TMTC1: variants seen among roughly 807,000 people sequenced by gnomAD.
TMTC1 encodes transmembrane O-mannosyltransferase targeting cadherins 1, also known as protein O-mannosyl-transferase TMTC1.
In TMTC1, 73 loss-of-function variants were observed where a neutral mutation model predicts 104.8. The observed-to-expected ratio is 0.70, with a 90% CI of 0.58 to 0.85. The LOEUF (loss-of-function observed/expected upper bound fraction) is 0.85. TMTC1 is among the 40% of genes least tolerant of loss of function. The probability of loss-of-function intolerance (pLI) is 0.00; values close to 1 mark genes in which losing one functional copy is unlikely to be tolerated. For synonymous variants in TMTC1, 434 were observed against 428.7 expected (o/e 1.01, Z -0.15); for missense variants, 1,035 against 1,096.1 (o/e 0.94, Z 0.79).
chr12:29,680,243 A>G (rs891323432), intron 5 of TMTC1, among the ~76,000 whole-genome samples: 1 of 142,060 alleles, frequency 7.0e-6, no homozygotes, highest in African/African-American at 2.4e-5. Context: ...ATTTTAAAAG[A>G]TAATTGATTT....
chr12:29,657,622 T>G (rs1446260015), intron 5 of TMTC1, among the ~76,000 whole-genome samples: 1 of 149,330 alleles, frequency 6.7e-6, no homozygotes. Context: ...CATGACATAG[T>G]TTTTATTATA....
intron 5 of TMTC1, among the ~76,000 whole-genome samples, chr12:29,748,830 T>C (rs1418109119): frequency 2.6e-5 from 4 of 152,200 alleles, no homozygotes; most frequent in Non-Finnish European, 5.9e-5. Context: ...AAACAGCCAT[T>C]ATTAAAAATT....
At chr12:29,603,810 A>T (rs1227263645) in intron 7 of TMTC1, among the ~76,000 whole-genome samples, 1 of 152,268 alleles carries the variant, frequency 6.6e-6, no homozygotes, top group Non-Finnish European at 1.5e-5. Flanking sequence ...CATGCTACTG[A>T]ACATAATACT....
rs999494670 is a variant in TMTC1, at chr12:29,780,723, C to G, written c.302+2727G>C. Among the ~76,000 whole-genome samples, 3 of 152,114 alleles carry G rather than the reference C, an allele frequency of 2.0e-5. No individual in the cohort carries two copies. In the South Asian group the frequency reaches 6.2e-4, roughly 32 times the overall value. ...TAAATGCTGTAGATTGCATCAATAT[C>G]AATTTCCTGGTTGTAATATTATACC... On this transcript the variant is annotated intron_variant, in intron 1 of 17. Transcript: ENST00000539277.
intron 11 of TMTC1, among the ~76,000 whole-genome samples, chr12:29,531,074 T>C (rs763113198): frequency 1.3e-5 from 2 of 152,154 alleles, no homozygotes; most frequent in Non-Finnish European, 2.9e-5. Context: ...GAGGGAGCTA[T>C]AAATCTTTGC....
At chr12:29,624,204 T>A (rs7966415) in intron 6 of TMTC1, among the ~76,000 whole-genome samples, 1 of 151,800 alleles carries the variant, frequency 6.6e-6, no homozygotes, top group South Asian at 2.1e-4. Context: ...GGCTTCAAAC[T>A]CCTGACCTCA....
chr12:29,687,747 T>C (rs1941140254), intron 5 of TMTC1, among the ~76,000 whole-genome samples: 1 of 152,228 alleles, frequency 6.6e-6, no homozygotes, highest in Non-Finnish European at 1.5e-5. Context: ...GGTTGGTGCC[T>C]GGTGAGGGAT....
chr12:29,730,183 C>T (rs1344239280), intron 5 of TMTC1, among the ~76,000 whole-genome samples: 4 of 152,170 alleles, frequency 2.6e-5, no homozygotes, highest in African/African-American at 9.7e-5. Flanking sequence ...TTTTACCTGA[C>T]AAAGTGAGAT....
At chr12:29,729,136 C>T (rs1487072907) in intron 5 of TMTC1, among the ~76,000 whole-genome samples, 1 of 151,824 alleles carries the variant, frequency 6.6e-6, no homozygotes, top group African/African-American at 2.4e-5. Context: ...TAGGCAAATG[C>T]CTTAAACTCT....
intron 1 of TMTC1, among the ~76,000 whole-genome samples, chr12:29,778,317 T>G (rs1943758489): frequency 6.6e-6 from 1 of 152,232 alleles, no homozygotes; most frequent in Admixed American, 6.5e-5. Flanking sequence ...TTCCACCTGC[T>G]TACTGAATGG....
chr12:29,759,639 G>T (rs2120366320), intron 2 of TMTC1, among the ~76,000 whole-genome samples: 1 of 152,266 alleles, frequency 6.6e-6, no homozygotes, highest in South Asian at 2.1e-4. Flanking sequence ...GTAGCAAAGG[G>T]CCATCTTGGC....
At chr12:29,510,030 A>G (rs1011723764) in intron 17 of TMTC1, among the ~76,000 whole-genome samples, 1 of 152,234 alleles carries the variant, frequency 6.6e-6, no homozygotes, top group African/African-American at 2.4e-5. Flanking sequence ...TATTGAGCAC[A>G]TTGCAGTTGT....
rs545123687 is a variant in TMTC1 at position 29,770,192 on chromosome 12, T to C, written c.303-2117A>G. On this transcript the variant is annotated intron_variant, in intron 1 of 17. Coordinates refer to ENST00000539277, the MANE Select transcript of TMTC1 (RefSeq NM_001193451.2). Reference sequence around the variant, plus strand: ...TTGCAAAGTATTTATTATTCAACCATTCAAAAACTGAAAAGCATCATTAAA... The same window carrying C: ...TTGCAAAGTATTTATTATTCAACCACTCAAAAACTGAAAAGCATCATTAAA... Among the ~76,000 whole-genome samples, 4 of 152,242 alleles carry C rather than the reference T, an allele frequency of 2.6e-5. No individual in the cohort carries two copies. In the South Asian group the frequency reaches 8.3e-4, roughly 32 times the overall value.
chr12:29,777,219 C>G (rs1180630290), intron 1 of TMTC1, among the ~76,000 whole-genome samples: 2 of 151,976 alleles, frequency 1.3e-5, no homozygotes, highest in Non-Finnish European at 2.9e-5. Context: ...CTCAGCCTCC[C>G]GAGCAGCTGG....
chr12:29,625,021 T>C (rs1937903462), intron 6 of TMTC1, among the ~76,000 whole-genome samples: 3 of 152,188 alleles, frequency 2.0e-5, no homozygotes, highest in Admixed American at 2.0e-4. Context: ...ATATATAGCT[T>C]CACTATCTCA....
intron 6 of TMTC1, among the ~76,000 whole-genome samples, chr12:29,616,634 A>C (rs1591810682): frequency 7.2e-6 from 1 of 139,466 alleles, no homozygotes; most frequent in Admixed American, 8.1e-5. Flanking sequence ...TGTCATTTGC[A>C]CTCCAGCCTG....
chr12:29,575,260 T>C (rs1479378961), intron 8 of TMTC1, among the ~76,000 whole-genome samples: 1 of 152,086 alleles, frequency 6.6e-6, no homozygotes, highest in African/African-American at 2.4e-5. Context: ...CTTATTTGGA[T>C]TAAATGAGAC....
chr12:29,665,082 C>A (rs1365386529), intron 5 of TMTC1, among the ~76,000 whole-genome samples: 1 of 152,112 alleles, frequency 6.6e-6, no homozygotes, highest in Non-Finnish European at 1.5e-5. Flanking sequence ...ATATTGTGAT[C>A]CTTGGATGTT....
intron 8 of TMTC1, among the ~76,000 whole-genome samples, chr12:29,576,041 C>T (rs772524767): frequency 1.3e-5 from 2 of 152,142 alleles, no homozygotes; most frequent in African/African-American, 4.8e-5. Flanking sequence ...ATTTGCTTGT[C>T]TTCTTTTCAA....
Sources: allele counts gnomAD v4.1 joint callset (sites outside exome capture counted in the v4.1 genomes callset), GRCh38; gene constraint gnomAD v4.1.1; transcripts MANE v1.5; gene names NCBI Gene and HGNC (gene_info 2026-07-23, HGNC 2026-07-21).